The following SLC15A4 variants were observed in gnomAD, a reference collection of about 807,000 sequenced individuals.
SLC15A4 encodes hPHT1.
In SLC15A4, 26 loss-of-function variants were observed where a neutral mutation model predicts 46.1. That is an observed-to-expected ratio of 0.56 (90% confidence interval 0.41 to 0.78). The LOEUF is 0.78. SLC15A4 is among the 30% of genes least tolerant of loss of function. SLC15A4 has a pLI of 0.00. For missense variants in SLC15A4, 751 were observed against 755.7 expected (o/e 0.99, Z 0.07); for synonymous variants, 370 against 333.4 (o/e 1.11, Z -1.20).
intron 1 of SLC15A4, among the ~76,000 whole-genome samples, chr12:128,821,313 T>C (rs746628526): frequency 4.6e-5 from 7 of 152,186 alleles, no homozygotes; most frequent in Admixed American, 2.0e-4. Context: ...TCCCACCTCA[T>C]GTCCCTAATG....
chr12:128,803,222 T>G (rs968138318), intron 5 of SLC15A4, among the ~76,000 whole-genome samples: 1 of 151,932 alleles, frequency 6.6e-6, no homozygotes, highest in Non-Finnish European at 1.5e-5. Flanking sequence ...AACTAAAGCA[T>G]AATATAACCC....
At chr12:128,823,297 G>A (rs1279963435) in intron 1 of SLC15A4, 101 bp downstream of exon 1, 3 of 1,153,978 alleles carry the variant, frequency 2.6e-6, no homozygotes, top group Non-Finnish European at 3.4e-6. Flanking sequence ...GGGGCAAGGG[G>A]CTCCCTCCGC....
intron 5 of SLC15A4, among the ~76,000 whole-genome samples, chr12:128,805,802 C>A (rs370764395): frequency 6.6e-6 from 1 of 152,006 alleles, no homozygotes; most frequent in Non-Finnish European, 1.5e-5. Context: ...AAGGGAAAAT[C>A]TTTTAAATGG....
At chr12:128,811,949 G>A (rs181927097) in intron 2 of SLC15A4, among the ~76,000 whole-genome samples, 4 of 152,288 alleles carry the variant, frequency 2.6e-5, no homozygotes, top group Admixed American at 2.6e-4. Flanking sequence ...AGTGACACCC[G>A]AACACCCACA....
intron 1 of SLC15A4, chr12:128,815,311 A>AGAGTTTTTCCAAGCATGTGGAAAAACTT (rs1955736296): frequency 1.7e-5 from 7 of 418,634 alleles, no homozygotes. Context: ...CAAATGCTAG[A>AGAGTTTTTCCAAGCATGTGGAAAAACTT]GAGTTTTTCC....
intron 1 of SLC15A4, 122 bp downstream of exon 1, chr12:128,823,276 A>G (rs1955875701): frequency 3.1e-6 from 3 of 976,466 alleles, no homozygotes; most frequent in Middle Eastern, 3.4e-4. Flanking sequence ...GGCACTAGAC[A>G]GAAGCCCCCC....
At chr12:128,795,793 C>T (rs1955436275) in intron 7 of SLC15A4, among the ~76,000 whole-genome samples, 1 of 152,218 alleles carries the variant, frequency 6.6e-6, no homozygotes, top group African/African-American at 2.4e-5. Context: ...GAGTGTCGCC[C>T]TGTGCTCTCC....
At chr12:128,805,155 C>CA (rs1491157505) in intron 5 of SLC15A4, among the ~76,000 whole-genome samples, 2 of 151,928 alleles carry the variant, frequency 1.3e-5, no homozygotes, top group Non-Finnish European at 2.9e-5. Flanking sequence ...ATACCCCCCC[C>CA]AAAAAAATCC....
intron 1 of SLC15A4, among the ~76,000 whole-genome samples, chr12:128,816,824 C>G (rs912940062): frequency 1.3e-5 from 2 of 149,042 alleles, no homozygotes; most frequent in African/African-American, 4.9e-5. Flanking sequence ...GGCCCTGTCT[C>G]AAAAGAAAAA....
intron 5 of SLC15A4, among the ~76,000 whole-genome samples, chr12:128,806,046 G>A (rs916095633): frequency 1.3e-5 from 2 of 150,680 alleles, no homozygotes; most frequent in African/African-American, 4.9e-5. Context: ...GTGGGCACCT[G>A]TAGTCCCAGC....
At position 128,808,936 on chromosome 12, in the gene SLC15A4, G is replaced by T. The variant is rs1286835417; in HGVS notation, c.1110C>A (p.Thr370=). ...GGAGGATGAGCACAGCATCAAACATGGTCAGCCAGGCTGCAGGGAGCTGGG... is the reference window on the plus strand; with the variant it reads ...GGAGGATGAGCACAGCATCAAACATTGTCAGCCAGGCTGCAGGGAGCTGGG... ...TPHTLPAAWL[T]MFDAVLILLL... is the part of the protein sequence containing the mutation. Residue 370 remains threonine, a synonymous_variant, in exon 5 of 8, where the codon ACC becomes ACA. Coordinates refer to ENST00000266771, the MANE Select transcript of SLC15A4 (RefSeq NM_145648.4). The T allele has an allele frequency of 6.2e-7, 1 of 1,614,004 alleles. No homozygotes were observed.
intron 5 of SLC15A4, among the ~76,000 whole-genome samples, chr12:128,808,263 T>C (rs1593009776): frequency 6.6e-6 from 1 of 152,224 alleles, no homozygotes; most frequent in Non-Finnish European, 1.5e-5. Context: ...TTTGTTCTTA[T>C]CAGGTTTATC....
Position 128,809,816 on chromosome 12 carries a change from A to T in SLC15A4, c.1011+127T>A, listed in dbSNP as rs1356164486. On this transcript the variant is annotated intron_variant, in intron 3 of 7. Transcript: ENST00000266771. ...CTCCATAACTAAAACCAAAAATTCC[A>T]AGATTCTGTAGACTCATGGGAAAAA... The T allele has an allele frequency of 4.2e-6, 4 of 954,526 alleles. No homozygotes were observed. In the East Asian group the frequency reaches 1.1e-4, roughly 25 times the overall value. The allele number at this position is 954,526 out of a possible 1,614,324, so 59.1% of individuals were successfully genotyped here.
chr12:128,809,521 A>G, intron 3 of SLC15A4, 48 bp from the exon 4 acceptor site: 2 of 1,239,650 alleles, frequency 1.6e-6, no homozygotes, highest in Non-Finnish European at 2.3e-6. Context: ...CTGTGCTCTC[A>G]AACACTCTAA....
At chr12:128,800,321 AC>A (rs1955501730) in intron 6 of SLC15A4, among the ~76,000 whole-genome samples, 1 of 152,162 alleles carries the variant, frequency 6.6e-6, no homozygotes, top group African/African-American at 2.4e-5. Context: ...ACTGACTACT[AC>A]CCACACATCC....
At chr12:128,799,723 T>C (rs1955492591) in intron 6 of SLC15A4, among the ~76,000 whole-genome samples, 1 of 152,204 alleles carries the variant, frequency 6.6e-6, no homozygotes, top group Non-Finnish European at 1.5e-5. Flanking sequence ...ACTTTTGTGT[T>C]CCTTAAAGAG....
Position 128,823,632 on chromosome 12 carries a change from G to T in SLC15A4, c.312C>A (p.Arg104=). 6.8e-7 allele frequency: 1 copy of T among 1,479,262 alleles called. No individual in the cohort carries two copies. The highest frequency in any genetic ancestry group is 8.9e-7 in the Non-Finnish European group (1 of 1,119,712). 91.6% of individuals were successfully genotyped at this position (1,479,262 alleles called of 1,614,324 possible). A position where few individuals can be genotyped will look rare whatever the true frequency, so the allele number is the denominator to read the frequency against. Residue 104 remains arginine (R), a synonymous_variant, in exon 1 of 8, where the codon CGC becomes CGA. Coordinates refer to ENST00000266771, the MANE Select transcript of SLC15A4 (RefSeq NM_145648.4). ...AGAGCGCCAGGCTCAGCAGGATGGC[G>T]CGCGCCCGGCCCAGCCGCGCGTCGG... The part of the protein sequence containing the change: ...WLADARLGRA[R]AILLSLALYL...
At chr12:128,801,050 A>C (rs377057641) in intron 5 of SLC15A4, 41 bp from the exon 6 acceptor site, 1 of 1,527,262 alleles carries the variant, frequency 6.5e-7, no homozygotes. Flanking sequence ...TCATTTATTA[A>C]CATTTACAGT....
chr12:128,814,136 A>G (rs1412374524), intron 2 of SLC15A4: 1 of 160,952 alleles, frequency 6.2e-6, no homozygotes, highest in African/African-American at 2.4e-5. Flanking sequence ...GGTTACCCTC[A>G]GTGCATCTCG....
Sources: gnomAD v4.1 joint callset for allele counts (sites outside exome capture counted in the v4.1 genomes callset) on GRCh38, gnomAD v4.1.1 for gene constraint, MANE v1.5 for transcripts, NCBI Gene and HGNC (gene_info 2026-07-23, HGNC 2026-07-21) for gene names.